Variants in RALB observed in about 807,000 individuals in gnomAD.
RALB encodes the protein ras-related protein Ral-B.
A neutral mutation model predicts 21.3 loss-of-function variants in RALB; 16 were observed. That is an observed-to-expected ratio of 0.75 (90% CI 0.51 to 1.14). The LOEUF is 1.14. Ranked by LOEUF, RALB falls within the 50% of genes most tolerant of loss-of-function variation. The pLI is 0.00. For missense variants in RALB, 161 were observed against 256.2 expected (o/e 0.63, Z 2.54); for synonymous variants, 93 against 96.1 (o/e 0.97, Z 0.19).
At chr2:120,278,497 G>A in intron 1 of RALB, 121 bp from the exon 2 acceptor site, 1 of 983,692 alleles carries the variant, frequency 1.0e-6, no homozygotes, top group Admixed American at 3.8e-5. Context: ...GAGCCTGAAA[G>A]GATTACTTTC....
At chr2:120,258,580 G>A (rs987021863) in intron 1 of RALB, among the ~76,000 whole-genome samples, 11 of 152,250 alleles carry the variant, frequency 7.2e-5, no homozygotes, top group African/African-American at 2.7e-4. Context: ...CATTGGAAGG[G>A]CTGTGTGGAG....
intron 2 of RALB, among the ~76,000 whole-genome samples, chr2:120,279,300 AGT>A (rs1001243231): frequency 6.6e-6 from 1 of 152,180 alleles, no homozygotes. Context: ...TGTTGAGTTC[AGT>A]GTGACAACAC....
rs1270144229 is a variant in RALB, at chr2:120,285,887, ATG to A, written c.129_130del (p.Tyr43Ter). On this transcript the variant is annotated stop_gained and frameshift_variant, in exon 3 of 5. Transcript: ENST00000272519. LOFTEE classifies it high-confidence loss of function. ...TTATTTCCTCAGTTTGTAGAAGACT[ATG>A]AACCTACCAAAGCTGACAGTTATAG... 1.9e-6 allele frequency: 3 copies of A among 1,613,006 alleles called. No homozygotes were observed. In the African/African-American group the frequency reaches 4.0e-5, roughly 22 times the overall value.
At chr2:120,271,683 T>C (rs1374080930) in intron 1 of RALB, among the ~76,000 whole-genome samples, 1 of 152,240 alleles carries the variant, frequency 6.6e-6, no homozygotes, top group African/African-American at 2.4e-5. Flanking sequence ...TTGCACATGC[T>C]GTGTGTTAAG....
At chr2:120,278,545 G>A (rs1573348666) in intron 1 of RALB, 73 bp from the exon 2 acceptor site, 6 of 1,291,292 alleles carry the variant, frequency 4.6e-6, no homozygotes, top group South Asian at 1.8e-5. Flanking sequence ...TTTAATGGAG[G>A]ATGTGAATGA....
At position 120,294,493 on chromosome 2, in the gene RALB, G is replaced by A. The variant is rs971336452; in HGVS notation, c.*1233G>A. The A allele has an allele frequency of 1.8e-5, 7 of 379,750 alleles. No individual in the cohort carries two copies. Among genetic ancestry groups the A allele is most frequent in the African/African-American group, 1.0e-4 (5 of 48,208 alleles). The allele number at this position is 379,750 out of a possible 1,614,324, so 23.5% of individuals were successfully genotyped here. A position where few individuals can be genotyped will look rare whatever the true frequency, so the allele number is the denominator to read the frequency against. On this transcript the variant is annotated 3_prime_UTR_variant, in exon 5 of 5. Coordinates refer to ENST00000272519, the MANE Select transcript of RALB (RefSeq NM_002881.3). ...AGATTTTCATCAGGAAAGGAGCACT[G>A]TGGGAAGAGCCCAGTATTCACATTT...
intron 1 of RALB, among the ~76,000 whole-genome samples, chr2:120,247,755 G>A (rs1220086265): frequency 2.0e-5 from 3 of 152,234 alleles, no homozygotes; most frequent in South Asian, 2.1e-4. Flanking sequence ...GGCGCTCCAC[G>A]AGGGTTCCCG....
At chr2:120,265,771 TATAGAA>T (rs1689486925) in intron 1 of RALB, among the ~76,000 whole-genome samples, 1 of 80,988 alleles carries the variant, frequency 1.2e-5, no homozygotes, top group South Asian at 3.4e-4. Flanking sequence ...CTAGAGATGC[TATAGAA>T]GTAGAAGTAG....
chr2:120,253,567 G>A, intron 1 of RALB: 1 of 985,522 alleles, frequency 1.0e-6, no homozygotes, highest in Non-Finnish European at 1.2e-6. Flanking sequence ...CCTGGACTGG[G>A]CATCGCCGTC....
chr2:120,260,970 G>A (rs1461375656), intron 1 of RALB, among the ~76,000 whole-genome samples: 1 of 152,192 alleles, frequency 6.6e-6, no homozygotes, highest in African/African-American at 2.4e-5. Context: ...CACAGTGTGG[G>A]GTCTGTGGGT....
Position 120,252,852 on chromosome 2 carries a change from G to A in RALB, c.-176G>A, listed in dbSNP as rs1022253356. ...CGCCGGAGGCGCGCTCGGGGGGTGG[G>A]AAAGCGAGCCCGGCAGCTCAATGAC... On this transcript the variant is annotated 5_prime_UTR_variant, in exon 1 of 5. Transcript: ENST00000272519. 1.1e-5 allele frequency: 11 copies of A among 985,532 alleles called. No homozygotes were observed. The African/African-American group carries it at 1.4e-4, about 13-fold the overall frequency. 61.0% of individuals were successfully genotyped at this position (985,532 alleles called of 1,614,324 possible).
At position 120,293,239 on chromosome 2, in the gene RALB, A is replaced by G. The variant is rs1690349363; in HGVS notation, c.600A>G (p.Lys200=). ...GCAGCAAGAACAAGAAAAGTTTTAA[A>G]GAAAGATGTTGCTTACTATGAGTGT... The part of the protein sequence containing the change: ...KKSSKNKKSF[K]ERCCLL The change falls in exon 5 of 5, where the codon AAA becomes AAG. Residue 200 remains lysine, a synonymous_variant. Coordinates refer to ENST00000272519, the MANE Select transcript of RALB (RefSeq NM_002881.3). The G allele has an allele frequency of 1.2e-6, 2 of 1,613,464 alleles. No individual in the cohort carries two copies. Among genetic ancestry groups the G allele is most frequent in the Non-Finnish European group, 1.7e-6 (2 of 1,179,636 alleles).
At position 120,271,712 on chromosome 2, in the gene RALB, C is replaced by G. The variant is rs77614224; in HGVS notation, c.-47-6906C>G. ...TGTTAAGCTGGAATATGTTCTCACT[C>G]CCATCTGCTGAATGGACTATTATTA... On this transcript the variant is annotated intron_variant, in intron 1 of 4. Transcript: ENST00000272519. Among the ~76,000 whole-genome samples, 442 of 152,320 alleles carry G rather than the reference C, an allele frequency of 2.9e-3. 3 individuals are homozygous for G. The highest frequency in any genetic ancestry group is 0.01 in the African/African-American group (432 of 41,570).
chr2:120,291,011 T>C (rs544880436), intron 4 of RALB, among the ~76,000 whole-genome samples: 81 of 152,356 alleles, frequency 5.3e-4, no homozygotes, highest in African/African-American at 1.9e-3. Flanking sequence ...TTCTCTTTCT[T>C]GTGCAGAAAC....
chr2:120,275,476 A>AT (rs977006519), intron 1 of RALB, among the ~76,000 whole-genome samples: 4 of 152,178 alleles, frequency 2.6e-5, no homozygotes, highest in African/African-American at 7.2e-5. Flanking sequence ...ATCTTTTAGA[A>AT]TTTCCCATGC....
chr2:120,273,441 C>T (rs1169025694), intron 1 of RALB, among the ~76,000 whole-genome samples: 1 of 152,178 alleles, frequency 6.6e-6, no homozygotes, highest in African/African-American at 2.4e-5. Context: ...TAGTCCACAT[C>T]TTGTGACCTC....
intron 1 of RALB, among the ~76,000 whole-genome samples, chr2:120,278,074 CAT>C (rs1181890899): frequency 2.1e-5 from 3 of 146,258 alleles, no homozygotes; most frequent in African/African-American, 7.6e-5. Flanking sequence ...TGAGTGTGAG[CAT>C]GTGTGTGAAT....
At chr2:120,240,984 G>T (rs1688885051) in intron 1 of RALB, among the ~76,000 whole-genome samples, 2 of 152,198 alleles carry the variant, frequency 1.3e-5, no homozygotes, top group African/African-American at 4.8e-5. Context: ...GGTGCCTACA[G>T]CTGGAAAGGA....
chr2:120,274,117 T>C (rs1318809131), intron 1 of RALB, among the ~76,000 whole-genome samples: 5 of 152,174 alleles, frequency 3.3e-5, no homozygotes, highest in African/African-American at 9.7e-5. Context: ...AGAACCAGGA[T>C]TGATTCAGAG....
Sources: gnomAD v4.1 joint callset for allele counts (sites outside exome capture counted in the v4.1 genomes callset) on GRCh38, gnomAD v4.1.1 for gene constraint, MANE v1.5 for transcripts, NCBI Gene and HGNC (gene_info 2026-07-23, HGNC 2026-07-21) for gene names.